The following THSD4 variants were observed in gnomAD, a reference collection of about 807,000 sequenced individuals.
The protein encoded by THSD4 is thrombospondin type 1 domain containing 4.
A neutral mutation model predicts 119.0 loss-of-function variants in THSD4; 69 were observed. That is an observed-to-expected ratio of 0.58 (90% CI 0.48 to 0.71). The LOEUF (loss-of-function observed/expected upper bound fraction) is 0.71. Ranked by LOEUF, THSD4 falls within the 30% of genes least tolerant of loss-of-function variation. The pLI, the probability that THSD4 is intolerant of heterozygous loss-of-function variation, is 0.00. For synonymous variants in THSD4, 524 were observed against 540.4 expected, an observed-to-expected ratio of 0.97 and a Z score of 0.42; for missense variants, 1,393 against 1,391.1, an observed-to-expected ratio of 1.00 and a Z score of -0.02.
At chr15:71,697,436 A>G (rs561536909) in intron 8 of THSD4, among the ~76,000 whole-genome samples, 1 of 152,348 alleles carries the variant, frequency 6.6e-6, no homozygotes, top group African/African-American at 2.4e-5. Context: ...CAGGGGAAGT[A>G]GGTGCATAGG....
At chr15:71,424,822 C>T (rs1013380028) in intron 7 of THSD4, among the ~76,000 whole-genome samples, 2 of 152,082 alleles carry the variant, frequency 1.3e-5, no homozygotes, top group African/African-American at 4.8e-5. Context: ...ATTATTTTTG[C>T]TCCCAACTTA....
chr15:71,311,735 C>G (rs2045113940), intron 6 of THSD4, among the ~76,000 whole-genome samples: 1 of 152,158 alleles, frequency 6.6e-6, no homozygotes, highest in South Asian at 2.1e-4. Flanking sequence ...CACCATCTAC[C>G]CATTGCTCAA....
Position 71,400,989 on chromosome 15 carries a change from C to T in THSD4, c.1016-10698C>T, listed in dbSNP as rs114200253. 2.4e-3 allele frequency among the ~76,000 whole-genome samples: 358 copies of T among 152,270 alleles called. 4 individuals carry two copies. The highest frequency in any genetic ancestry group is 8.1e-3 in the African/African-American group (335 of 41,570). On this transcript the variant is annotated intron_variant, in intron 6 of 17. Coordinates refer to ENST00000261862, the MANE Select transcript of THSD4 (RefSeq NM_024817.3). Reference sequence around the variant, plus strand: ...GTTTATGCACAGAATCTCCTCTTTTCGTACCTGAGTTTTTCTCTCCACTGA... The same window carrying T: ...GTTTATGCACAGAATCTCCTCTTTTTGTACCTGAGTTTTTCTCTCCACTGA...
chr15:71,424,443 A>G (rs1385155065), intron 7 of THSD4, among the ~76,000 whole-genome samples: 1 of 152,100 alleles, frequency 6.6e-6, no homozygotes, highest in African/African-American at 2.4e-5. Flanking sequence ...CTTCGGGCTA[A>G]TTACTGCATA....
At chr15:71,171,706 T>G (rs1440204255) in intron 3 of THSD4, among the ~76,000 whole-genome samples, 1 of 152,210 alleles carries the variant, frequency 6.6e-6, no homozygotes, top group African/African-American at 2.4e-5. Flanking sequence ...AATATGTGTA[T>G]AAGTAAATTA....
At chr15:71,759,996 T>C (rs2053603646) in intron 15 of THSD4, among the ~76,000 whole-genome samples, 1 of 152,196 alleles carries the variant, frequency 6.6e-6, no homozygotes, top group Admixed American at 6.5e-5. Context: ...AATTTGACAT[T>C]ATCCCCAAAG....
Position 71,230,402 on chromosome 15 carries a change from C to T in THSD4, c.465-12247C>T, listed in dbSNP as rs543013026. ...TTGGCTACCTGCCTCTGCAACAGTT[C>T]GCACATATCACATTGGAGGCTCTGT... On this transcript the variant is annotated intron_variant, in intron 4 of 17. Transcript: ENST00000261862. Among the ~76,000 whole-genome samples, 9 of 152,354 alleles carry T rather than the reference C, an allele frequency of 5.9e-5. No homozygotes were observed. In the South Asian group the frequency reaches 1.9e-3, roughly 32 times the overall value.
At chr15:71,241,697 A>G (rs1175165491) in intron 4 of THSD4, among the ~76,000 whole-genome samples, 1 of 152,088 alleles carries the variant, frequency 6.6e-6, no homozygotes, top group Non-Finnish European at 1.5e-5. Context: ...GGAGTGGGCA[A>G]ATGCTACAAA....
At chr15:71,428,370 C>T (rs1412081589) in intron 7 of THSD4, among the ~76,000 whole-genome samples, 2 of 152,216 alleles carry the variant, frequency 1.3e-5, no homozygotes, top group Non-Finnish European at 2.9e-5. Flanking sequence ...CTTTTGGCCC[C>T]TGTGCACATC....
intron 3 of THSD4, among the ~76,000 whole-genome samples, chr15:71,158,001 A>C (rs1219245684): frequency 6.6e-6 from 1 of 151,956 alleles, no homozygotes; most frequent in African/African-American, 2.4e-5. Context: ...ATATATATGC[A>C]ATTGTGGGAT....
intron 15 of THSD4, among the ~76,000 whole-genome samples, chr15:71,761,367 C>T (rs2053625881): frequency 6.6e-6 from 1 of 152,102 alleles, no homozygotes; most frequent in Non-Finnish European, 1.5e-5. Context: ...TATTTACCTC[C>T]ACTCTCTCAA....
rs564424737 is a variant in THSD4, at chr15:71,403,249, G to A, written c.1016-8438G>A. On this transcript the variant is annotated intron_variant, in intron 6 of 17. Transcript: ENST00000261862. ...TGGTAGTCTACATCCTCCAATAAGG[G>A]TGCATGACAGGTAAATTGCGTGAGA... 1.4e-4 allele frequency among the ~76,000 whole-genome samples: 21 copies of A among 152,198 alleles called. No homozygotes were observed. In the South Asian group the frequency reaches 4.4e-3, roughly 32 times the overall value.
At chr15:71,326,572 G>A (rs2045340874) in intron 6 of THSD4, among the ~76,000 whole-genome samples, 1 of 145,380 alleles carries the variant, frequency 6.9e-6, no homozygotes, top group Admixed American at 7.1e-5. Context: ...AGCTACTCAG[G>A]ATGAGGCAGG....
chr15:71,192,514 C>T (rs1292009720), intron 3 of THSD4, among the ~76,000 whole-genome samples: 1 of 151,984 alleles, frequency 6.6e-6, no homozygotes, highest in African/African-American at 2.4e-5. Context: ...AACTCCTGGC[C>T]TCAAGTCTGC....
At chr15:71,723,114 C>A (rs1294898524) in intron 8 of THSD4, among the ~76,000 whole-genome samples, 1 of 149,480 alleles carries the variant, frequency 6.7e-6, no homozygotes, top group East Asian at 2.0e-4. Flanking sequence ...CAGATAATAT[C>A]CTTGTTAGAA....
rs781291734 is a variant in THSD4 at position 71,771,059 on chromosome 15, T to C, written c.2770-5T>C. ...ATCTGATGTTTTCCCTTTGTTCCCATGCAGTGTTCCAAGAGCTGCCAGGGT... is the reference window on the plus strand; with the variant it reads ...ATCTGATGTTTTCCCTTTGTTCCCACGCAGTGTTCCAAGAGCTGCCAGGGT... On this transcript the variant is annotated splice_region_variant and splice_polypyrimidine_tract_variant and intron_variant, in intron 16 of 17. Coordinates refer to ENST00000261862, the MANE Select transcript of THSD4 (RefSeq NM_024817.3). 1 of 1,613,724 alleles carries C rather than the reference T, an allele frequency of 6.2e-7. No homozygotes were observed. The highest frequency in any genetic ancestry group is 1.7e-5 in the Admixed American group (1 of 59,958).
intron 6 of THSD4, among the ~76,000 whole-genome samples, chr15:71,333,619 C>T (rs1189331903): frequency 6.6e-6 from 1 of 152,142 alleles, no homozygotes; most frequent in Non-Finnish European, 1.5e-5. Context: ...CCCATGGCAT[C>T]AGCATGGGCA....
chr15:71,651,208 T>C (rs984493246), intron 7 of THSD4, among the ~76,000 whole-genome samples: 1 of 152,202 alleles, frequency 6.6e-6, no homozygotes, highest in Non-Finnish European at 1.5e-5. Flanking sequence ...TGGTAGAACA[T>C]CCATCTTCAG....
chr15:71,735,378 A>G (rs528875261), intron 10 of THSD4, among the ~76,000 whole-genome samples: 12 of 152,150 alleles, frequency 7.9e-5, no homozygotes, highest in South Asian at 4.1e-4. Context: ...CTAAGGATCC[A>G]TGGCACTCAG....
Sources: gnomAD v4.1 joint callset for allele counts (sites outside exome capture counted in the v4.1 genomes callset) on GRCh38, gnomAD v4.1.1 for gene constraint, MANE v1.5 for transcripts, NCBI Gene and HGNC (gene_info 2026-07-23, HGNC 2026-07-21) for gene names.